The following LRMDA variants were observed in gnomAD, a reference collection of about 807,000 sequenced individuals.
The protein encoded by LRMDA is leucine-rich melanocyte differentiation-associated protein.
LRMDA carries 18 observed loss-of-function variants against 29.8 expected under a neutral mutation model. That is an observed-to-expected ratio of 0.60 (90% confidence interval 0.42 to 0.90). The LOEUF (loss-of-function observed/expected upper bound fraction) is 0.90, where lower values mean the gene tolerates loss of function less well. Among genes scored for constraint, LRMDA ranks in the 40% least tolerant of loss-of-function variants. The probability of loss-of-function intolerance (pLI) is 0.00; values close to 1 mark genes in which losing one functional copy is unlikely to be tolerated. For synonymous variants in LRMDA, 125 were observed against 109.4 expected, an observed-to-expected ratio of 1.14 and a Z score of -0.89; for missense variants, 273 against 273.9, an observed-to-expected ratio of 1.00 and a Z score of 0.02.
chr10:76,062,522 C>T (rs1161663112), intron 5 of LRMDA, among the ~76,000 whole-genome samples: 5 of 152,102 alleles, frequency 3.3e-5, no homozygotes, highest in Non-Finnish European at 5.9e-5. Context: ...ATTTCTCCTC[C>T]GTGGCTGCCT....
chr10:75,816,275 G>C (rs994441468), intron 2 of LRMDA, among the ~76,000 whole-genome samples: 29 of 152,190 alleles, frequency 1.9e-4, no homozygotes, highest in African/African-American at 6.0e-4. Flanking sequence ...AGTGCATGAA[G>C]CGTCAGAGAG....
intron 2 of LRMDA, among the ~76,000 whole-genome samples, chr10:75,817,292 AAGG>A (rs1844077775): frequency 6.6e-6 from 1 of 152,220 alleles, no homozygotes. Flanking sequence ...GTTTTAATAT[AAGG>A]AGGTTTTAAT....
rs768684891 is a variant in LRMDA, at chr10:76,058,711, C to T, written c.444C>T (p.Ala148=). ...YKLPNLKFLD[A]QKVTRQEREE... is the part of the protein sequence containing the mutation. ...TGCCCAACTTGAAATTTCTGGATGC[C>T]CAGAAAGTAACCAGACAAGAACGAG... is the stretch of plus-strand genomic sequence containing the variant. Residue 148 remains alanine, a synonymous_variant, in exon 5 of 7, where the codon GCC becomes GCT. Transcript: ENST00000611255. 9.9e-5 allele frequency: 160 copies of T among 1,613,836 alleles called. No individual in the cohort carries two copies. Among genetic ancestry groups the T allele is most frequent in the Non-Finnish European group, 1.3e-4 (156 of 1,179,990 alleles).
intron 6 of LRMDA, among the ~76,000 whole-genome samples, chr10:76,542,450 C>G (rs771047668): frequency 6.6e-6 from 1 of 152,036 alleles, no homozygotes; most frequent in South Asian, 2.1e-4. Context: ...GATACACTGC[C>G]GTGATGAGAT....
chr10:75,976,802 C>T (rs1297077066), intron 2 of LRMDA, among the ~76,000 whole-genome samples: 9 of 152,166 alleles, frequency 5.9e-5, no homozygotes, highest in Non-Finnish European at 1.2e-4. Flanking sequence ...TAGTAAGTGG[C>T]AGAGTCTGGA....
At chr10:76,493,441 C>T (rs1238397203) in intron 6 of LRMDA, among the ~76,000 whole-genome samples, 2 of 152,022 alleles carry the variant, frequency 1.3e-5, no homozygotes, top group Non-Finnish European at 2.9e-5. Context: ...GAAATGCCAT[C>T]AAAGAGCCAA....
At chr10:76,026,130 G>C (rs114778689) in intron 2 of LRMDA, among the ~76,000 whole-genome samples, 2,018 of 152,292 alleles carry the variant, frequency 0.013, 42 homozygotes, top group African/African-American at 0.046. Flanking sequence ...CATCCATGGA[G>C]TACAGAGTGA....
At chr10:76,134,888 G>T (rs959162499) in intron 5 of LRMDA, among the ~76,000 whole-genome samples, 1 of 152,150 alleles carries the variant, frequency 6.6e-6, no homozygotes, top group Non-Finnish European at 1.5e-5. Context: ...ATACAACTAT[G>T]AGGCAAAATC....
At chr10:76,372,206 C>A (rs1296660286) in intron 6 of LRMDA, among the ~76,000 whole-genome samples, 3 of 152,132 alleles carry the variant, frequency 2.0e-5, no homozygotes, top group Non-Finnish European at 4.4e-5. Context: ...CCTACCAAGC[C>A]ATCTGAGTAC....
At chr10:75,642,101 G>A (rs1024802736) in intron 2 of LRMDA, among the ~76,000 whole-genome samples, 3 of 152,162 alleles carry the variant, frequency 2.0e-5, no homozygotes, top group Non-Finnish European at 4.4e-5. Context: ...GGCTGAGAAG[G>A]GGGTAAAGAA....
chr10:76,103,964 C>T (rs2132105575), intron 5 of LRMDA, among the ~76,000 whole-genome samples: 1 of 151,804 alleles, frequency 6.6e-6, no homozygotes, highest in Non-Finnish European at 1.5e-5. Context: ...CAGAGAATTG[C>T]TTGAACCTGG....
At chr10:75,787,642 G>A (rs766782015) in intron 2 of LRMDA, among the ~76,000 whole-genome samples, 3 of 152,208 alleles carry the variant, frequency 2.0e-5, no homozygotes, top group East Asian at 1.9e-4. Flanking sequence ...TGTAAACAAT[G>A]CTGGAATAAA....
chr10:76,199,833 C>T (rs1402406636), intron 5 of LRMDA, among the ~76,000 whole-genome samples: 1 of 152,182 alleles, frequency 6.6e-6, no homozygotes, highest in Non-Finnish European at 1.5e-5. Flanking sequence ...TTTTCACGTG[C>T]TCTGAAGCAT....
intron 6 of LRMDA, among the ~76,000 whole-genome samples, chr10:76,479,829 A>T (rs1354568132): frequency 6.6e-6 from 1 of 151,884 alleles, no homozygotes; most frequent in Non-Finnish European, 1.5e-5. Flanking sequence ...TGAGCCTTAT[A>T]TGCTTTGACC....
chr10:75,921,962 G>T, intron 2 of LRMDA, among the ~76,000 whole-genome samples: 1 of 152,042 alleles, frequency 6.6e-6, no homozygotes, highest in African/African-American at 2.4e-5. Flanking sequence ...TCCTCCAATT[G>T]TTCTCCTCTT....
At chr10:76,361,079 G>A (rs1841305419) in intron 6 of LRMDA, among the ~76,000 whole-genome samples, 1 of 151,956 alleles carries the variant, frequency 6.6e-6, no homozygotes, top group Non-Finnish European at 1.5e-5. Flanking sequence ...TGGGCAACAA[G>A]GTGAAACCCC....
chr10:75,802,395 G>A (rs1209781273), intron 2 of LRMDA, among the ~76,000 whole-genome samples: 1 of 151,648 alleles, frequency 6.6e-6, no homozygotes, highest in African/African-American at 2.4e-5. Flanking sequence ...ATTAAGGAAG[G>A]CCGGTCTAGC....
chr10:75,707,207 C>A (rs955430824), intron 2 of LRMDA, among the ~76,000 whole-genome samples: 1 of 152,152 alleles, frequency 6.6e-6, no homozygotes, highest in Non-Finnish European at 1.5e-5. Context: ...TTACTATCTC[C>A]CTCTGTGTTT....
At chr10:76,108,061 A>G (rs994391426) in intron 5 of LRMDA, among the ~76,000 whole-genome samples, 1 of 152,198 alleles carries the variant, frequency 6.6e-6, no homozygotes, top group African/African-American at 2.4e-5. Flanking sequence ...GTCTAACAGA[A>G]ATTAGGGAAG....
Sources: gnomAD v4.1 joint callset for allele counts (sites outside exome capture counted in the v4.1 genomes callset) on GRCh38, gnomAD v4.1.1 for gene constraint, MANE v1.5 for transcripts, NCBI Gene and HGNC (gene_info 2026-07-23, HGNC 2026-07-21) for gene names.